The following CDCA2 variants were observed in gnomAD, a reference collection of about 807,000 sequenced individuals.
CDCA2 encodes cell division cycle associated 2.
CDCA2 carries 44 observed loss-of-function variants against 67.0 expected under a neutral mutation model. That is an observed-to-expected ratio of 0.66 (90% confidence interval 0.52 to 0.84). CDCA2 has a LOEUF of 0.84. CDCA2 is among the 40% of genes least tolerant of loss of function. The pLI, the probability that CDCA2 is intolerant of heterozygous loss-of-function variation, is 0.00. For synonymous variants in CDCA2, 447 were observed against 418.7 expected (o/e 1.07, Z -0.82); for missense variants, 1,253 against 1,203.2 (o/e 1.04, Z -0.61).
chr8:25,488,899 G>A (rs1441058316), intron 13 of CDCA2, among the ~76,000 whole-genome samples: 1 of 152,048 alleles, frequency 6.6e-6, no homozygotes, highest in Non-Finnish European at 1.5e-5. Context: ...TCATCTTCTT[G>A]TGTTGCGTAC....
chr8:25,466,673 C>T (rs372641245), intron 5 of CDCA2, among the ~76,000 whole-genome samples: 85 of 152,192 alleles, frequency 5.6e-4, no homozygotes, highest in African/African-American at 2.0e-3. Context: ...TTATTAAGCT[C>T]GGCAAGCATT....
intron 1 of CDCA2, 142 bp from the exon 2 acceptor site, chr8:25,460,098 T>G (rs11786622): frequency 0.35 from 265,046 of 749,496 alleles, 47,207 homozygotes; most frequent in Middle Eastern, 0.37. Context: ...CCACAGAAAT[T>G]AAAATAAAAA....
At position 25,468,419 on chromosome 8, in the gene CDCA2, T is replaced by A; in HGVS notation, c.735+6T>A. ...CTTCTGTAGATCTTTCTGAGGTAATTCACTTACTTTACGCATAGGAAAATG... is the reference window on the plus strand; with the variant it reads ...CTTCTGTAGATCTTTCTGAGGTAATACACTTACTTTACGCATAGGAAAATG... On this transcript the variant is annotated splice_donor_region_variant and intron_variant, in intron 6 of 14. Coordinates refer to ENST00000330560, the MANE Select transcript of CDCA2 (RefSeq NM_152562.4). 1 of 1,607,312 alleles carries A rather than the reference T, an allele frequency of 6.2e-7. No homozygotes were observed. The highest frequency in any genetic ancestry group is 8.5e-7 in the Non-Finnish European group (1 of 1,176,012).
chr8:25,503,602 G>A, intron 14 of CDCA2, 58 bp downstream of exon 14: 1 of 1,516,784 alleles, frequency 6.6e-7, no homozygotes, highest in Non-Finnish European at 8.9e-7. Flanking sequence ...CCTCTTTGTT[G>A]CTATTTTACT....
chr8:25,463,199 T>C (rs1412752434), intron 4 of CDCA2, among the ~76,000 whole-genome samples: 2 of 152,172 alleles, frequency 1.3e-5, no homozygotes, highest in Non-Finnish European at 2.9e-5. Flanking sequence ...GGGACAACCT[T>C]GTGGAGAGGA....
chr8:25,507,132 G>C lies in CDCA2; in HGVS notation c.2466G>C (p.Val822=). ...GRKPMESSSV[V]SCRDRKDRRR... ...AACCCATGGAAAGTAGCAGTGTTGT[G>C]AGTTGCAGAGACAGGAAAGATAGAA... is the stretch of plus-strand genomic sequence containing the variant. The change falls in exon 15 of 15, where the codon GTG becomes GTC. Residue 822 remains valine (V), a synonymous_variant. Coordinates refer to ENST00000330560, the MANE Select transcript of CDCA2 (RefSeq NM_152562.4). The C allele has an allele frequency of 6.2e-7, 1 of 1,614,202 alleles. No homozygotes were observed.
Position 25,488,601 on chromosome 8 carries a change from AAG to A in CDCA2, c.1584_1585del (p.Glu528AspfsTer5), listed in dbSNP as rs1803873996. On this transcript the variant is annotated frameshift_variant, in exon 13 of 15. Coordinates refer to ENST00000330560, the MANE Select transcript of CDCA2 (RefSeq NM_152562.4). LOFTEE classifies it high-confidence loss of function. Reference sequence around the variant, plus strand: ...AGTGTTTGCAACTTATTGAATACAGAAGTTCAGCCTTGTAAAGAAAAGAAAAT... The same window carrying A: ...AGTGTTTGCAACTTATTGAATACAGATTCAGCCTTGTAAAGAAAAGAAAAT... 1 of 1,613,130 alleles carries A rather than the reference AAG, an allele frequency of 6.2e-7. No individual in the cohort carries two copies. Among genetic ancestry groups the A allele is most frequent in the African/African-American group, 1.3e-5 (1 of 74,846 alleles).
chr8:25,489,700 G>A (rs983678983), intron 13 of CDCA2, among the ~76,000 whole-genome samples: 2 of 152,122 alleles, frequency 1.3e-5, no homozygotes, highest in African/African-American at 2.4e-5. Context: ...TTGACATGAT[G>A]GAACACTCCT....
intron 7 of CDCA2, among the ~76,000 whole-genome samples, chr8:25,470,362 C>T (rs1321478450): frequency 1.3e-5 from 2 of 152,132 alleles, no homozygotes; most frequent in Non-Finnish European, 2.9e-5. Flanking sequence ...ACTGGGTGAA[C>T]ATTACTAGCA....
rs777369910 is a variant in CDCA2 at position 25,487,287 on chromosome 8, T to C, written c.1486T>C (p.Ser496Pro). 9 of 1,611,170 alleles carry C rather than the reference T, an allele frequency of 5.6e-6. No homozygotes were observed. The highest frequency in any genetic ancestry group is 5.0e-5 in the Admixed American group (3 of 59,882). Residue 496 changes from serine (S) to proline (P), a missense_variant, in exon 12 of 15, where the codon TCC (serine) becomes CCC (proline). By Grantham distance (74) the Ser-to-Pro change is moderately conservative. Transcript: ENST00000330560. ...FSSSNNHEKI[S>P]SPKVGRITRT... ...TTCTTCAAATAACCATGAGAAAATA[T>C]CCTCTCCTAAAGTTGGTAGAATAAC...
intron 4 of CDCA2, among the ~76,000 whole-genome samples, chr8:25,464,047 C>T (rs1563258792): frequency 6.6e-6 from 1 of 152,194 alleles, no homozygotes; most frequent in South Asian, 2.1e-4. Flanking sequence ...CAGCCACATT[C>T]CTGATATTTC....
intron 13 of CDCA2, 59 bp downstream of exon 13, chr8:25,488,748 A>G: frequency 7.0e-7 from 1 of 1,427,390 alleles, no homozygotes; most frequent in South Asian, 1.6e-5. Context: ...CTTATTGTAT[A>G]ATTAGGAAAA....
chr8:25,483,852 C>T (rs978967230), intron 9 of CDCA2, 114 bp from the exon 10 acceptor site: 1 of 925,360 alleles, frequency 1.1e-6, no homozygotes, highest in Non-Finnish European at 1.6e-6. Context: ...GCTTTACTAG[C>T]TATTATACAA....
rs59618544 is a variant in CDCA2, at chr8:25,467,041, CAA to C, written c.538+740_538+741del. Among the ~76,000 whole-genome samples the C allele has an allele frequency of 8.9e-4, 44 of 49,168 alleles. No homozygotes were observed. In the South Asian group the frequency reaches 0.041, roughly 46 times the overall value. The allele number at this position is 49,168 out of a possible 152,430, so 32.3% of individuals were successfully genotyped here. A position where few individuals can be genotyped will look rare whatever the true frequency, so the allele number is the denominator to read the frequency against. Reference sequence around the variant, plus strand: ...TGGGCGAAGAAGTGAGAGTCCCTTTCAAAAAAAAAAAAAAAAAAAAAAAAACA... The same window carrying C: ...TGGGCGAAGAAGTGAGAGTCCCTTTCAAAAAAAAAAAAAAAAAAAAAAACA... On this transcript the variant is annotated intron_variant, in intron 5 of 14. Transcript: ENST00000330560.
At chr8:25,497,126 G>C (rs962009849) in intron 13 of CDCA2, among the ~76,000 whole-genome samples, 1 of 152,104 alleles carries the variant, frequency 6.6e-6, no homozygotes, top group African/African-American at 2.4e-5. Flanking sequence ...CTGGACTCTA[G>C]TTGTTTATGA....
intron 14 of CDCA2, among the ~76,000 whole-genome samples, chr8:25,504,842 A>G (rs528233748): frequency 6.6e-6 from 1 of 152,124 alleles, no homozygotes; most frequent in Non-Finnish European, 1.5e-5. Context: ...ACCTAGTTTT[A>G]TGATGATCTA....
intron 5 of CDCA2, among the ~76,000 whole-genome samples, chr8:25,466,584 G>C (rs1476700929): frequency 1.3e-5 from 2 of 152,110 alleles, no homozygotes; most frequent in Non-Finnish European, 2.9e-5. Flanking sequence ...TAAAATGCCA[G>C]AGATAATTAG....
At chr8:25,461,912 C>A in intron 3 of CDCA2, 142 bp from the exon 4 acceptor site, 1 of 709,196 alleles carries the variant, frequency 1.4e-6, no homozygotes, top group Non-Finnish European at 2.3e-6. Flanking sequence ...ATATGAATGA[C>A]TGTGCCAGTA....
rs535626384 is a variant in CDCA2 at position 25,462,136 on chromosome 8, T to G, written c.315T>G (p.Ile105Met). 3.2e-5 allele frequency: 52 copies of G among 1,614,210 alleles called. No individual in the cohort carries two copies. In the South Asian group the frequency reaches 5.3e-4, roughly 16 times the overall value. The change falls in exon 4 of 15, where the codon ATT becomes ATG. Residue 105 changes from isoleucine to methionine, a missense_variant. Coordinates refer to ENST00000330560, the MANE Select transcript of CDCA2 (RefSeq NM_152562.4). Reference sequence around the variant, plus strand: ...GCTCTCCTGAAACAAACCATCTGATTCGTTTCATTGCTCGGCAGCAAAATA... The same window carrying G: ...GCTCTCCTGAAACAAACCATCTGATGCGTTTCATTGCTCGGCAGCAAAATA... ...ARGSPETNHL[I>M]RFIARQQNIK...
Sources: gnomAD v4.1 joint callset for allele counts (sites outside exome capture counted in the v4.1 genomes callset) on GRCh38, gnomAD v4.1.1 for gene constraint, MANE v1.5 for transcripts, NCBI Gene and HGNC (gene_info 2026-07-23, HGNC 2026-07-21) for gene names.